Variants in FMN1 observed in about 807,000 individuals in gnomAD.
FMN1 encodes the protein formin-1.
FMN1 carries 110 observed loss-of-function variants against 132.4 expected under a neutral mutation model. The observed-to-expected ratio is 0.83, with a 90% CI of 0.71 to 0.97. The LOEUF (loss-of-function observed/expected upper bound fraction) is 0.97, where lower values mean the gene tolerates loss of function less well. Ranked by LOEUF, FMN1 falls within the 50% of genes least tolerant of loss-of-function variation. The pLI is 0.00. For missense variants in FMN1, 1,792 were observed against 1,705.3 expected (o/e 1.05, Z -0.90); for synonymous variants, 722 against 651.7 (o/e 1.11, Z -1.64).
intron 2 of FMN1, among the ~76,000 whole-genome samples, chr15:33,192,437 G>A (rs1215552204): frequency 6.6e-6 from 1 of 152,226 alleles, no homozygotes; most frequent in East Asian, 1.9e-4. Flanking sequence ...GCAGGGTTAA[G>A]CCTGTGACAA....
intron 17 of FMN1, among the ~76,000 whole-genome samples, chr15:32,806,562 C>T (rs1032595816): frequency 2.6e-5 from 4 of 152,216 alleles, no homozygotes; most frequent in African/African-American, 4.8e-5. Context: ...TCAGCCTTGA[C>T]ATAGTATCTA....
At chr15:32,846,462 A>G (rs2058859194) in intron 17 of FMN1, among the ~76,000 whole-genome samples, 1 of 152,222 alleles carries the variant, frequency 6.6e-6, no homozygotes, top group South Asian at 2.1e-4. Context: ...ACATGAAAAA[A>G]AGTTCAACAT....
chr15:32,846,033 G>C (rs1261444690), intron 17 of FMN1, among the ~76,000 whole-genome samples: 2 of 151,638 alleles, frequency 1.3e-5, no homozygotes, highest in Non-Finnish European at 2.9e-5. Flanking sequence ...TGAACCCAGT[G>C]TTCAAACCTA....
chr15:32,984,423 A>G (rs1027005451), intron 7 of FMN1, among the ~76,000 whole-genome samples: 2 of 152,188 alleles, frequency 1.3e-5, no homozygotes, highest in African/African-American at 4.8e-5. Context: ...TATTCCATCA[A>G]TATAGTAAGC....
intron 2 of FMN1, among the ~76,000 whole-genome samples, chr15:33,187,483 C>A (rs1965926901): frequency 6.6e-6 from 1 of 152,202 alleles, no homozygotes; most frequent in African/African-American, 2.4e-5. Flanking sequence ...GCCCTACTTC[C>A]TGGCAGTGTC....
At chr15:33,078,973 C>A (rs889100454) in intron 5 of FMN1, among the ~76,000 whole-genome samples, 5 of 152,106 alleles carry the variant, frequency 3.3e-5, no homozygotes, top group African/African-American at 1.2e-4. Context: ...GAAATTGGAA[C>A]ACATCCAAAG....
intron 9 of FMN1, among the ~76,000 whole-genome samples, chr15:32,926,956 T>A (rs577205272): frequency 6.6e-6 from 1 of 152,206 alleles, no homozygotes; most frequent in Non-Finnish European, 1.5e-5. Flanking sequence ...AGCTAATTTT[T>A]AAATTTTTTT....
chr15:33,065,079 T>G lies in FMN1; in HGVS notation c.2044-5A>C, dbSNP rs370110054. On this transcript the variant is annotated splice_region_variant and splice_polypyrimidine_tract_variant and intron_variant, in intron 5 of 20. Coordinates refer to ENST00000616417, the MANE Select transcript of FMN1 (RefSeq NM_001277313.2). The stretch of plus-strand genomic sequence containing the variant: ...CTCAGTCAGGCTGTGGTCAGGCTGT[T>G]GAAAGAGCAGGCAAATAGTAAGTGG... 63 of 1,596,214 alleles carry G rather than the reference T, an allele frequency of 3.9e-5. No individual in the cohort carries two copies. The highest frequency in any genetic ancestry group is 5.3e-5 in the Non-Finnish European group (62 of 1,168,586).
At chr15:33,191,102 G>A (rs950686838) in intron 2 of FMN1, among the ~76,000 whole-genome samples, 3 of 151,826 alleles carry the variant, frequency 2.0e-5, no homozygotes, top group East Asian at 3.9e-4. Flanking sequence ...CCCGGGAGGC[G>A]GAGCTTGCAG....
intron 7 of FMN1, among the ~76,000 whole-genome samples, chr15:32,995,137 T>A (rs2033689243): frequency 6.6e-6 from 1 of 152,122 alleles, no homozygotes. Context: ...ACACATTTCT[T>A]AATAATACTT....
intron 6 of FMN1, among the ~76,000 whole-genome samples, chr15:33,053,848 ACT>A (rs759029042): frequency 6.0e-5 from 9 of 150,612 alleles, no homozygotes; most frequent in Admixed American, 6.6e-5. Flanking sequence ...TAACTCAGAA[ACT>A]CTCCAGATGC....
At chr15:33,061,904 A>G (rs926859976) in intron 6 of FMN1, among the ~76,000 whole-genome samples, 2 of 152,162 alleles carry the variant, frequency 1.3e-5, no homozygotes, top group Admixed American at 6.5e-5. Flanking sequence ...AGAGAGAAAA[A>G]AAGTAGAAAG....
intron 6 of FMN1, among the ~76,000 whole-genome samples, chr15:33,048,644 A>AAACAAAAACAAAAACAAAAAC (rs1555388954): frequency 4.6e-5 from 4 of 86,920 alleles, no homozygotes; most frequent in East Asian, 2.6e-4. Context: ...AAAAAAAAAA[A>AAACAAAAACAAAAACAAAAAC]AAAAACCAAC....
intron 8 of FMN1, among the ~76,000 whole-genome samples, chr15:32,967,741 C>T (rs1250752884): frequency 6.6e-6 from 1 of 152,168 alleles, no homozygotes; most frequent in Non-Finnish European, 1.5e-5. Context: ...CCCCACTCCT[C>T]CACAGGGATT....
chr15:33,109,750 G>C (rs1413964389), intron 4 of FMN1, among the ~76,000 whole-genome samples: 1 of 151,644 alleles, frequency 6.6e-6, no homozygotes, highest in East Asian at 1.9e-4. Flanking sequence ...CTAATACCTG[G>C]GTGATGAAAT....
In FMN1 at chr15:32,789,862, T is replaced by C. The variant is rs564891132; in HGVS notation, c.4130+8942A>G. 7.9e-5 allele frequency among the ~76,000 whole-genome samples: 12 copies of C among 152,370 alleles called. No homozygotes were observed. The South Asian group carries it at 2.3e-3, about 29-fold the overall frequency. ...CACAAATACCATTGTGTTACAATTA[T>C]ATTCAGTACAGTAACCTGCCGTACA... On this transcript the variant is annotated intron_variant, in intron 19 of 20. Transcript: ENST00000616417.
intron 17 of FMN1, among the ~76,000 whole-genome samples, chr15:32,852,935 C>T (rs1410301267): frequency 2.6e-5 from 4 of 152,170 alleles, no homozygotes; most frequent in Admixed American, 6.6e-5. Context: ...TCTAGCCACA[C>T]CAAGTTGCTT....
At chr15:32,998,359 G>A (rs1448259612) in intron 7 of FMN1, among the ~76,000 whole-genome samples, 1 of 152,152 alleles carries the variant, frequency 6.6e-6, no homozygotes, top group Non-Finnish European at 1.5e-5. Context: ...GGTAACATGG[G>A]AAAAGAAAAT....
At chr15:32,823,459 C>T (rs888783218) in intron 17 of FMN1, among the ~76,000 whole-genome samples, 18 of 152,194 alleles carry the variant, frequency 1.2e-4, no homozygotes, top group African/African-American at 1.7e-4. Flanking sequence ...CCACTGCGCC[C>T]GGCCGAGAGT....
Sources: gnomAD v4.1 joint callset for allele counts (sites outside exome capture counted in the v4.1 genomes callset) on GRCh38, gnomAD v4.1.1 for gene constraint, MANE v1.5 for transcripts, NCBI Gene and HGNC (gene_info 2026-07-23, HGNC 2026-07-21) for gene names.